Variants in ARGLU1 observed in about 807,000 individuals in gnomAD.
ARGLU1 encodes arginine and glutamate rich 1.
Under a neutral mutation model 37.6 loss-of-function variants are expected in ARGLU1, and 9 were observed. The ratio of observed to expected loss-of-function variants is 0.24; its 90% CI spans 0.14 to 0.42. ARGLU1 has a LOEUF of 0.42. Among genes scored for constraint, ARGLU1 ranks in the 10% least tolerant of loss-of-function variants. The pLI, the probability that ARGLU1 is intolerant of heterozygous loss-of-function variation, is 1.00. For missense variants in ARGLU1, 211 were observed against 359.2 expected (o/e 0.59, Z 3.34); for synonymous variants, 166 against 138.5 (o/e 1.20, Z -1.39).
At chr13:106,552,175 ATCTTT>A (rs1357996836) in intron 3 of ARGLU1, among the ~76,000 whole-genome samples, 2 of 152,238 alleles carry the variant, frequency 1.3e-5, no homozygotes, top group Non-Finnish European at 2.9e-5. Flanking sequence ...AACATGGCAT[ATCTTT>A]TCTTCTCTCA....
intron 3 of ARGLU1, among the ~76,000 whole-genome samples, chr13:106,553,829 C>G (rs2138968992): frequency 6.6e-6 from 1 of 152,304 alleles, no homozygotes; most frequent in South Asian, 2.1e-4. Flanking sequence ...CTCCCCACTT[C>G]CAAGGTACTT....
At chr13:106,556,165 A>G (rs190978021) in intron 3 of ARGLU1, among the ~76,000 whole-genome samples, 8 of 152,270 alleles carry the variant, frequency 5.3e-5, no homozygotes, top group Non-Finnish European at 1.0e-4. Context: ...TCACATTCCT[A>G]TTGCTTTTTC....
chr13:106,551,005 T>C (rs150451559), intron 3 of ARGLU1, among the ~76,000 whole-genome samples: 2 of 152,350 alleles, frequency 1.3e-5, no homozygotes, highest in South Asian at 2.1e-4. Context: ...TCGTTCTCCA[T>C]AGATATTTCC....
At chr13:106,553,166 CG>C (rs767707807) in intron 3 of ARGLU1, among the ~76,000 whole-genome samples, 6 of 152,152 alleles carry the variant, frequency 3.9e-5, no homozygotes, top group African/African-American at 1.2e-4. Context: ...TAAAGTTACA[CG>C]TAAGACTACC....
intron 2 of ARGLU1, chr13:106,558,131 ATTG>A (rs1485198114): frequency 9.1e-6 from 9 of 984,412 alleles, no homozygotes; most frequent in Non-Finnish European, 1.1e-5. Context: ...TAAAAAAAAA[ATTG>A]TTAATATGAA....
At position 106,544,054 on chromosome 13, in the gene ARGLU1, A is replaced by G; in HGVS notation, c.764T>C (p.Ile255Thr). Residue 255 changes from isoleucine to threonine, a missense_variant, in exon 4 of 4, where the codon ATC (isoleucine) becomes ACC (threonine). By Grantham distance (89) the Ile-to-Thr change is moderately conservative (BLOSUM62 -1). This residue lies in a region of ARGLU1 where 80 missense variants were observed against 158.4 expected (regional missense o/e 0.51). Coordinates refer to ENST00000400198, the MANE Select transcript of ARGLU1 (RefSeq NM_018011.4). ...QRQQKEEQKI[I>T]LGKGKSRPKL... ...TGGCCTGGACTTCCCCTTGCCCAGG[A>G]TAATTTTTTGTTCTTCTTTTTGTTG... The G allele has an allele frequency of 6.2e-7, 1 of 1,605,864 alleles. No individual in the cohort carries two copies. Among genetic ancestry groups the G allele is most frequent in the Non-Finnish European group, 8.5e-7 (1 of 1,177,030 alleles).
intron 1 of ARGLU1, among the ~76,000 whole-genome samples, chr13:106,560,489 CAT>C (rs1186142912): frequency 6.6e-6 from 1 of 152,130 alleles, no homozygotes; most frequent in Non-Finnish European, 1.5e-5. Flanking sequence ...AGCCACCAGT[CAT>C]ATGTGTCTGG....
chr13:106,551,055 AC>A (rs1880519355), intron 3 of ARGLU1, among the ~76,000 whole-genome samples: 1 of 152,218 alleles, frequency 6.6e-6, no homozygotes, highest in African/African-American at 2.4e-5. Flanking sequence ...CTGAGATAGT[AC>A]GGGAACCTAT....
intron 3 of ARGLU1, among the ~76,000 whole-genome samples, chr13:106,553,295 C>T (rs568694693): frequency 6.6e-6 from 1 of 152,236 alleles, no homozygotes; most frequent in South Asian, 2.1e-4. Context: ...TATTTAGCTA[C>T]CTCCTATTTT....
rs541515120 is a variant in ARGLU1, at chr13:106,558,230, A to G, written c.574-1099T>C. Reference sequence around the variant, plus strand: ...GCACCATTACTCCAAAAATATCTTCATTATTAAAAGCACTGATATAAATAA... The same window carrying G: ...GCACCATTACTCCAAAAATATCTTCGTTATTAAAAGCACTGATATAAATAA... On this transcript the variant is annotated intron_variant, in intron 2 of 3. Coordinates refer to ENST00000400198, the MANE Select transcript of ARGLU1 (RefSeq NM_018011.4). 496 of 984,622 alleles carry G rather than the reference A, an allele frequency of 5.0e-4. 1 individual carries two copies. The South Asian group carries it at 7.9e-3, about 16-fold the overall frequency. The allele number at this position is 984,622 out of a possible 1,614,324, so 61.0% of individuals were successfully genotyped here. A position where few individuals can be genotyped will look rare whatever the true frequency, so the allele number is the denominator to read the frequency against.
chr13:106,550,206 T>C lies in ARGLU1; in HGVS notation c.658-6046A>G, dbSNP rs560823356. Among the ~76,000 whole-genome samples the C allele has an allele frequency of 1.1e-4, 16 of 152,216 alleles. 1 individual carries two copies. The South Asian group carries it at 2.7e-3, about 26-fold the overall frequency. On this transcript the variant is annotated intron_variant, in intron 3 of 3. Coordinates refer to ENST00000400198, the MANE Select transcript of ARGLU1 (RefSeq NM_018011.4). ...TTTTCATACCTCTTCACTCACCAAG[T>C]TTATTAGTTCTCCCTCACAGTTTCT...
chr13:106,553,379 CT>C, intron 3 of ARGLU1, among the ~76,000 whole-genome samples: 1 of 152,292 alleles, frequency 6.6e-6, no homozygotes, highest in South Asian at 2.1e-4. Flanking sequence ...AATCCAACAA[CT>C]TGGACATTTC....
intron 1 of ARGLU1, among the ~76,000 whole-genome samples, chr13:106,564,645 T>C (rs1230207365): frequency 6.6e-6 from 1 of 152,160 alleles, no homozygotes; most frequent in Non-Finnish European, 1.5e-5. Flanking sequence ...TTTCAGTCCC[T>C]TGAATGAACC....
chr13:106,565,985 T>G (rs1880951955), intron 1 of ARGLU1, among the ~76,000 whole-genome samples: 1 of 152,252 alleles, frequency 6.6e-6, no homozygotes. Flanking sequence ...GTTATTACTC[T>G]TTGGAGGTCT....
intron 1 of ARGLU1, among the ~76,000 whole-genome samples, chr13:106,559,859 T>A (rs1053608080): frequency 2.6e-5 from 4 of 152,190 alleles, no homozygotes; most frequent in Non-Finnish European, 5.9e-5. Flanking sequence ...TATAAAATCT[T>A]TTTTTCCTTT....
At position 106,557,210 on chromosome 13, in the gene ARGLU1, G is replaced by A. The variant is rs892683525; in HGVS notation, c.574-79C>T. The A allele has an allele frequency of 2.4e-6, 3 of 1,257,358 alleles. No individual in the cohort carries two copies. Among genetic ancestry groups the A allele is most frequent in the South Asian group, 1.3e-5 (1 of 79,580 alleles). The allele number at this position is 1,257,358 out of a possible 1,614,324, so 77.9% of individuals were successfully genotyped here. A position where few individuals can be genotyped will look rare whatever the true frequency, so the allele number is the denominator to read the frequency against. On this transcript the variant is annotated intron_variant, in intron 2 of 3. Transcript: ENST00000400198. The surrounding 1 kb of genome is among the most constrained non-coding windows in gnomAD (Gnocchi z 5.0). Reference sequence around the variant, plus strand: ...GATAAATATTTACTAATCTTCCTCTGAACTTTTTTGATATGACTTACAGGG... The same window carrying A: ...GATAAATATTTACTAATCTTCCTCTAAACTTTTTTGATATGACTTACAGGG...
intron 2 of ARGLU1, 31 bp downstream of exon 2, chr13:106,559,401 T>C (rs953722767): frequency 6.2e-7 from 1 of 1,612,666 alleles, no homozygotes; most frequent in Non-Finnish European, 8.5e-7. Flanking sequence ...TGCCATGGAC[T>C]GTCTCTACTT....
intron 3 of ARGLU1, among the ~76,000 whole-genome samples, chr13:106,555,299 T>C (rs924361436): frequency 6.6e-6 from 1 of 152,114 alleles, no homozygotes; most frequent in African/African-American, 2.4e-5. Flanking sequence ...AGGTGGAGGC[T>C]GCAATGACCC....
intron 2 of ARGLU1, chr13:106,559,184 C>A (rs79446737): frequency 6.9e-7 from 1 of 1,453,732 alleles, no homozygotes; most frequent in Non-Finnish European, 9.1e-7. Context: ...AAACACTTCT[C>A]AAATAGCCAG....
Sources: allele counts gnomAD v4.1 joint callset (sites outside exome capture counted in the v4.1 genomes callset), GRCh38; gene constraint gnomAD v4.1.1; regional missense constraint gnomAD v4.1.1; non-coding constraint Gnocchi (gnomAD v3.1); transcripts MANE v1.5; gene names NCBI Gene and HGNC (gene_info 2026-07-23, HGNC 2026-07-21).